Variants in UBE2F observed in about 807,000 individuals in gnomAD.
UBE2F encodes ubiquitin conjugating enzyme E2 F (putative), also known as NEDD8-conjugating enzyme UBE2F.
A neutral mutation model predicts 29.6 loss-of-function variants in UBE2F; 5 were observed. That is an observed-to-expected ratio of 0.17 (90% CI 0.09 to 0.36). The LOEUF is 0.36. Ranked by LOEUF, UBE2F falls within the 10% of genes least tolerant of loss-of-function variation. The pLI, the probability that UBE2F is intolerant of heterozygous loss-of-function variation, is 1.00. For missense variants in UBE2F, 141 were observed against 228.5 expected (o/e 0.62, Z 2.47); for synonymous variants, 66 against 81.8 (o/e 0.81, Z 1.04).
At chr2:237,980,055 A>G (rs1482829455) in intron 2 of UBE2F, among the ~76,000 whole-genome samples, 4 of 152,358 alleles carry the variant, frequency 2.6e-5, no homozygotes, top group African/African-American at 9.6e-5. Context: ...GAGGATTTTA[A>G]TGCATGAAGG....
Position 237,982,477 on chromosome 2 carries a change from G to T in UBE2F, c.119-5486G>T, listed in dbSNP as rs141331854. ...GCCCCTCTGCTTGCAATCCACAGTC[G>T]CTTACCATGCCGTCTGGACACATTT... is the stretch of plus-strand genomic sequence containing the variant. On this transcript the variant is annotated intron_variant, in intron 2 of 9. Coordinates refer to ENST00000272930, the MANE Select transcript of UBE2F (RefSeq NM_080678.3). This position sits in a 1 kb window ranked among gnomAD's most constrained non-coding sequence, Gnocchi z 4.1. 1.3e-5 allele frequency among the ~76,000 whole-genome samples: 2 copies of T among 152,066 alleles called. No homozygotes were observed. Among genetic ancestry groups the T allele is most frequent in the African/African-American group, 4.8e-5 (2 of 41,414 alleles).
chr2:238,027,518 G>A (rs1035697938), intron 6 of UBE2F, among the ~76,000 whole-genome samples: 7 of 152,168 alleles, frequency 4.6e-5, no homozygotes, highest in African/African-American at 1.4e-4. Context: ...GACAGAGAGC[G>A]AGCAGGCTCT....
At chr2:238,024,241 C>T (rs1239750091) in intron 5 of UBE2F, among the ~76,000 whole-genome samples, 2 of 152,130 alleles carry the variant, frequency 1.3e-5, no homozygotes, top group Non-Finnish European at 2.9e-5. Context: ...TGAAAGACAG[C>T]AGAATTTATT....
Position 237,967,229 on chromosome 2 carries a change from G to A in UBE2F, c.-17+97G>A. ...GGGCGGAGGGCGCGGGCGGTGGCGG[G>A]GCCGCCTCGGGCCCGCCGGGTTCCT... On this transcript the variant is annotated intron_variant, in intron 1 of 9. Coordinates refer to ENST00000272930, the MANE Select transcript of UBE2F (RefSeq NM_080678.3). The surrounding 1 kb of genome is among the most constrained non-coding windows in gnomAD (Gnocchi z 6.3). 1.2e-6 allele frequency: 1 copy of A among 821,578 alleles called. No homozygotes were observed. Among genetic ancestry groups the A allele is most frequent in the Non-Finnish European group, 1.5e-6 (1 of 680,610 alleles). The allele number at this position is 821,578 out of a possible 1,614,324, so 50.9% of individuals were successfully genotyped here.
intron 1 of UBE2F, among the ~76,000 whole-genome samples, chr2:237,969,652 C>A (rs1338131352): frequency 2.0e-5 from 3 of 152,008 alleles, no homozygotes; most frequent in Non-Finnish European, 4.4e-5. Flanking sequence ...CTGATGTGCT[C>A]GAGTCTGCAC....
intron 5 of UBE2F, among the ~76,000 whole-genome samples, chr2:238,022,179 T>TTTC (rs10694482): frequency 0.72 from 108,144 of 149,476 alleles, 40,386 homozygotes; most frequent in East Asian, 0.93. Context: ...TCTTTTCTTT[T>TTTC]TTTTTTTGGA....
At chr2:238,025,078 C>T (rs1424873149) in intron 5 of UBE2F, among the ~76,000 whole-genome samples, 1 of 152,196 alleles carries the variant, frequency 6.6e-6, no homozygotes, top group Non-Finnish European at 1.5e-5. Flanking sequence ...CGGCAGGACA[C>T]ATGGGGCTTG....
chr2:238,006,266 A>C (rs2063904653), intron 4 of UBE2F, among the ~76,000 whole-genome samples: 2 of 151,976 alleles, frequency 1.3e-5, no homozygotes, highest in Admixed American at 1.3e-4. Context: ...AACAGTAAAA[A>C]CTCACTAATT....
In UBE2F at chr2:237,995,857, CT is replaced by C. The variant is rs548158278; in HGVS notation, c.214+1049del. Among the ~76,000 whole-genome samples, 293 of 152,280 alleles carry C rather than the reference CT, an allele frequency of 1.9e-3. 1 individual carries two copies. Among genetic ancestry groups the C allele is most frequent in the African/African-American group, 7.0e-3 (289 of 41,560 alleles). ...ATAAATCAGTCTGATACTGATTCTTCTAAGATAAGGAGAGTACTTGGGTATA... is the reference window on the plus strand; with the variant it reads ...ATAAATCAGTCTGATACTGATTCTTCAAGATAAGGAGAGTACTTGGGTATA... On this transcript the variant is annotated intron_variant, in intron 4 of 9. Coordinates refer to ENST00000272930, the MANE Select transcript of UBE2F (RefSeq NM_080678.3).
chr2:238,014,963 G>A (rs1017432267), intron 4 of UBE2F, among the ~76,000 whole-genome samples: 14 of 152,256 alleles, frequency 9.2e-5, no homozygotes, highest in South Asian at 4.1e-4. Context: ...CTAGAAATAC[G>A]CATCTCAAGT....
chr2:237,997,081 C>T (rs764211180), intron 4 of UBE2F, among the ~76,000 whole-genome samples: 26 of 151,706 alleles, frequency 1.7e-4, no homozygotes, highest in Admixed American at 7.9e-4. Flanking sequence ...AAAATTAGCC[C>T]GGTGTGGTGG....
At chr2:238,003,452 T>A in intron 4 of UBE2F, 1 of 469,662 alleles carries the variant, frequency 2.1e-6, no homozygotes, top group Admixed American at 2.4e-5. Context: ...CCTGATCTGT[T>A]CTCACATTGG....
intron 4 of UBE2F, chr2:238,003,551 A>G (rs150649876): frequency 2.8e-5 from 9 of 318,660 alleles, no homozygotes; most frequent in African/African-American, 1.5e-4. Context: ...GAATTGTTTT[A>G]AAAACCATTC....
At position 238,041,232 on chromosome 2, in the gene UBE2F, C is replaced by A. The variant is rs1576649452; in HGVS notation, c.508-56C>A. On this transcript the variant is annotated intron_variant, in intron 9 of 9. Transcript: ENST00000272930. ...GACTTGTCCCTGAAGCGCTGCTTCA[C>A]TCACTCACTCACTCCTCCTGTTCTT... 4 of 1,518,122 alleles carry A rather than the reference C, an allele frequency of 2.6e-6. No individual in the cohort carries two copies. In the East Asian group the frequency reaches 9.0e-5, roughly 34 times the overall value. 94.0% of individuals were successfully genotyped at this position (1,518,122 alleles called of 1,614,324 possible).
intron 5 of UBE2F, among the ~76,000 whole-genome samples, chr2:238,021,310 G>A (rs1362339867): frequency 2.0e-5 from 3 of 152,180 alleles, no homozygotes; most frequent in Non-Finnish European, 4.4e-5. Flanking sequence ...ACGACCACAA[G>A]TGACACCTGA....
At chr2:237,994,610 G>T in intron 3 of UBE2F, 134 bp from the exon 4 acceptor site, 1 of 654,728 alleles carries the variant, frequency 1.5e-6, no homozygotes, top group Non-Finnish European at 2.7e-6. Flanking sequence ...AAATAGGGAG[G>T]GAGATCTACC....
At chr2:238,038,616 G>A (rs2064772444) in intron 9 of UBE2F, among the ~76,000 whole-genome samples, 1 of 152,196 alleles carries the variant, frequency 6.6e-6, no homozygotes, top group South Asian at 2.1e-4. Flanking sequence ...ACCTTTCTTT[G>A]TATGAAACAA....
rs539936423 is a variant in UBE2F at position 237,995,419 on chromosome 2, C to T, written c.214+610C>T. 2.0e-5 allele frequency among the ~76,000 whole-genome samples: 3 copies of T among 152,194 alleles called. No homozygotes were observed. The East Asian group carries it at 5.8e-4, about 29-fold the overall frequency. On this transcript the variant is annotated intron_variant, in intron 4 of 9. Coordinates refer to ENST00000272930, the MANE Select transcript of UBE2F (RefSeq NM_080678.3). Reference sequence around the variant, plus strand: ...ACTTGTATATTTTCTAGTTACAATGCAGCTCCAAGAGCTGCAGATTCCCAC... The same window carrying T: ...ACTTGTATATTTTCTAGTTACAATGTAGCTCCAAGAGCTGCAGATTCCCAC...
rs2063393454 is a variant in UBE2F, at chr2:237,982,213, C to G, written c.119-5750C>G. Among the ~76,000 whole-genome samples the G allele has an allele frequency of 6.6e-6, 1 of 152,192 alleles. No individual in the cohort carries two copies. Among genetic ancestry groups the G allele is most frequent in the Admixed American group, 6.5e-5 (1 of 15,278 alleles). On this transcript the variant is annotated intron_variant, in intron 2 of 9. Transcript: ENST00000272930. The surrounding 1 kb of genome is among the most constrained non-coding windows in gnomAD (Gnocchi z 4.1). Reference sequence around the variant, plus strand: ...CATTCCTTTCTTTATCAGGTGTTGTCTGGCATCTTCCTGGCTGTCACTTTG... The same window carrying G: ...CATTCCTTTCTTTATCAGGTGTTGTGTGGCATCTTCCTGGCTGTCACTTTG...
Sources: allele counts gnomAD v4.1 joint callset (sites outside exome capture counted in the v4.1 genomes callset), GRCh38; gene constraint gnomAD v4.1.1; non-coding constraint Gnocchi (gnomAD v3.1); transcripts MANE v1.5; gene names NCBI Gene and HGNC (gene_info 2026-07-23, HGNC 2026-07-21).